Variants in TUSC3 observed in about 807,000 individuals in gnomAD.
TUSC3 encodes the protein tumor suppressor candidate 3.
TUSC3 carries 45 observed loss-of-function variants against 44.8 expected under a neutral mutation model. That is an observed-to-expected ratio of 1.00 (90% CI 0.79 to 1.29). TUSC3 has a LOEUF of 1.29. Ranked by LOEUF, TUSC3 falls within the 50% of genes most tolerant of loss-of-function variation. The pLI is 0.00. For synonymous variants in TUSC3, 212 were observed against 152.9 expected (o/e 1.39, Z -2.85); for missense variants, 519 against 437.9 (o/e 1.19, Z -1.65).
At chr8:15,488,427 A>C (rs1800763031) in intron 2 of TUSC3, among the ~76,000 whole-genome samples, 1 of 152,090 alleles carries the variant, frequency 6.6e-6, no homozygotes, top group Non-Finnish European at 1.5e-5. Flanking sequence ...GCTTGAGCCC[A>C]GGAGGCCAAG....
At chr8:15,578,524 AG>A (rs543594948) in intron 1 of TUSC3, among the ~76,000 whole-genome samples, 1,758 of 132,612 alleles carry the variant, frequency 0.013, 44 homozygotes, top group African/African-American at 0.049. Flanking sequence ...TTTAGCATGA[AG>A]GGTTGTTGAA....
the TUSC3 span, among the ~76,000 whole-genome samples, chr8:15,787,803 C>T: frequency 1.3e-5 from 2 of 152,124 alleles, no homozygotes; most frequent in East Asian, 3.9e-4. Context: ...ATATTAAGAC[C>T]GTTCACGTAA....
At chr8:15,743,403 T>C in intron 7 of TUSC3, 135 bp from the exon 8 acceptor site, 2 of 892,574 alleles carry the variant, frequency 2.2e-6, no homozygotes, top group Non-Finnish European at 3.7e-6. Flanking sequence ...TTTTATGTTA[T>C]ATAAAGGTAA....
chr8:15,433,933 G>C (rs1429395755), intron 1 of TUSC3, among the ~76,000 whole-genome samples: 2 of 152,050 alleles, frequency 1.3e-5, no homozygotes, highest in African/African-American at 2.4e-5. Context: ...TTTGTACAGA[G>C]CTTTCTGTGG....
intron 1 of TUSC3, among the ~76,000 whole-genome samples, chr8:15,575,973 T>C (rs992371974): frequency 1.9e-5 from 1 of 53,960 alleles, no homozygotes; most frequent in African/African-American, 4.5e-5. Flanking sequence ...TGAATTGATA[T>C]AATAACTGAG....
At chr8:15,664,474 TTATTA>T (rs1163624326) in intron 5 of TUSC3, among the ~76,000 whole-genome samples, 1 of 144,286 alleles carries the variant, frequency 6.9e-6, no homozygotes, top group Non-Finnish European at 1.5e-5. Flanking sequence ...ATTATTATTA[TTATTA>T]TTTTGCTCTT....
the TUSC3 span, among the ~76,000 whole-genome samples, chr8:15,776,055 C>T: frequency 6.6e-6 from 1 of 151,990 alleles, no homozygotes; most frequent in Non-Finnish European, 1.5e-5. Context: ...TCACTATTCT[C>T]CAAATACAGA....
chr8:15,526,255 G>T (rs183690831), intron 2 of TUSC3, among the ~76,000 whole-genome samples: 1 of 152,006 alleles, frequency 6.6e-6, no homozygotes, highest in Non-Finnish European at 1.5e-5. Flanking sequence ...GGGTGGTCTC[G>T]ATCTCCTGAC....
intron 1 of TUSC3, among the ~76,000 whole-genome samples, chr8:15,610,745 G>A (rs76024889): frequency 0.023 from 3,446 of 152,166 alleles, 143 homozygotes; most frequent in African/African-American, 0.078. Context: ...ATATTAGAGC[G>A]TAAAAGTTTT....
chr8:15,707,630 AAC>A lies in TUSC3; in HGVS notation c.799-23034_799-23033del, dbSNP rs1809671006. On this transcript the variant is annotated intron_variant, in intron 6 of 10. Transcript: ENST00000503731. ...TATATTTCTGCGAGAGCAAAGATGGAACAGCAGCTTATTGCCTAGATGACTCT... is the reference window on the plus strand; with the variant it reads ...TATATTTCTGCGAGAGCAAAGATGGAAGCAGCTTATTGCCTAGATGACTCT... Among the ~76,000 whole-genome samples the A allele has an allele frequency of 2.6e-5, 4 of 151,940 alleles. No individual in the cohort carries two copies. In the Admixed American group the frequency reaches 2.6e-4, roughly 10 times the overall value.
upstream of TUSC3, among the ~76,000 whole-genome samples, chr8:15,537,096 C>T (rs993773609): frequency 1.3e-5 from 2 of 152,184 alleles, no homozygotes; most frequent in East Asian, 1.9e-4. Context: ...AACTAAGAGC[C>T]AGGCACCCTT....
chr8:15,789,498 C>A, the TUSC3 span, among the ~76,000 whole-genome samples: 2 of 152,024 alleles, frequency 1.3e-5, no homozygotes, highest in Admixed American at 6.6e-5. Flanking sequence ...CATACAGATG[C>A]CTAATTAAGG....
At chr8:15,787,593 G>A in the TUSC3 span, among the ~76,000 whole-genome samples, 2 of 152,090 alleles carry the variant, frequency 1.3e-5, no homozygotes, top group Admixed American at 6.6e-5. Context: ...CACAACAACC[G>A]ATCACTTCTT....
intron 1 of TUSC3, among the ~76,000 whole-genome samples, chr8:15,468,243 C>G (rs1329911624): frequency 3.3e-5 from 5 of 152,134 alleles, no homozygotes; most frequent in Admixed American, 6.6e-5. Flanking sequence ...CTGGTGGAAT[C>G]CCACAGACAG....
rs1812292452 is a variant in TUSC3, at chr8:15,765,157, C to G, written c.*1001C>G. 1 of 151,982 alleles carries G rather than the reference C, an allele frequency of 6.6e-6. No homozygotes were observed. Among genetic ancestry groups the G allele is most frequent in the African/African-American group, 2.4e-5 (1 of 41,424 alleles). 9.4% of individuals were successfully genotyped at this position (151,982 alleles called of 1,614,324 possible). ...CACTTTCACATACATTATGGTATTT[C>G]TTCCTCACAATAACCTTGTAAATTA... is the stretch of plus-strand genomic sequence containing the variant. On this transcript the variant is annotated 3_prime_UTR_variant, in exon 11 of 11. Transcript: ENST00000503731.
chr8:15,587,809 C>T (rs958621149), intron 1 of TUSC3, among the ~76,000 whole-genome samples: 6 of 151,986 alleles, frequency 3.9e-5, no homozygotes, highest in African/African-American at 1.4e-4. Context: ...TGATTGAGAA[C>T]ATATATGATT....
intron 6 of TUSC3, among the ~76,000 whole-genome samples, chr8:15,716,638 CTAA>C (rs1265309737): frequency 6.6e-6 from 1 of 151,920 alleles, no homozygotes; most frequent in Non-Finnish European, 1.5e-5. Context: ...TAATTATATG[CTAA>C]TAATATGTAC....
intron 1 of TUSC3, among the ~76,000 whole-genome samples, chr8:15,587,861 C>T (rs28712856): frequency 0.011 from 1,670 of 152,120 alleles, 29 homozygotes; most frequent in African/African-American, 0.037. Context: ...AGATAATATT[C>T]TCTGGGCTCA....
At chr8:15,522,110 G>A (rs1801307276) in intron 2 of TUSC3, among the ~76,000 whole-genome samples, 3 of 152,250 alleles carry the variant, frequency 2.0e-5, no homozygotes, top group South Asian at 2.1e-4. Context: ...GTAGACTATT[G>A]TTGTGTCCAA....
Sources: allele counts gnomAD v4.1 joint callset (sites outside exome capture counted in the v4.1 genomes callset), GRCh38; gene constraint gnomAD v4.1.1; transcripts MANE v1.5; gene names NCBI Gene and HGNC (gene_info 2026-07-23, HGNC 2026-07-21).